The following CAMK1D variants were observed in gnomAD, a reference collection of about 807,000 sequenced individuals.
CAMK1D encodes calcium/calmodulin dependent protein kinase ID.
In CAMK1D, 9 loss-of-function variants were observed where a neutral mutation model predicts 47.7. That is an observed-to-expected ratio of 0.19 (90% CI 0.11 to 0.33). The LOEUF (loss-of-function observed/expected upper bound fraction) is 0.33. Among genes scored for constraint, CAMK1D ranks in the 10% least tolerant of loss-of-function variants. The pLI is 1.00. For missense variants in CAMK1D, 291 were observed against 488.7 expected, an observed-to-expected ratio of 0.60 and a Z score of 3.81; for synonymous variants, 184 against 184.9, an observed-to-expected ratio of 0.99 and a Z score of 0.04.
At chr10:12,638,609 C>T (rs967223502) in intron 2 of CAMK1D, among the ~76,000 whole-genome samples, 11 of 152,194 alleles carry the variant, frequency 7.2e-5, no homozygotes, top group Admixed American at 1.3e-4. Flanking sequence ...TGCAGCACTG[C>T]ACCCTCAGTT....
intron 2 of CAMK1D, among the ~76,000 whole-genome samples, chr10:12,651,512 C>G (rs550937254): frequency 2.0e-5 from 3 of 152,234 alleles, no homozygotes; most frequent in Admixed American, 1.3e-4. Flanking sequence ...CCACCTTAGC[C>G]TCCTGGGTAG....
chr10:12,616,317 G>A (rs1418105653), intron 2 of CAMK1D, among the ~76,000 whole-genome samples: 4 of 152,126 alleles, frequency 2.6e-5, no homozygotes, highest in Non-Finnish European at 5.9e-5. Flanking sequence ...TAACAAAGCG[G>A]GTTATCTTGG....
In CAMK1D at chr10:12,695,536, C is replaced by T. The variant is rs146966152; in HGVS notation, c.299+28726C>T. On this transcript the variant is annotated intron_variant, in intron 3 of 10. Coordinates refer to ENST00000619168, the MANE Select transcript of CAMK1D (RefSeq NM_153498.4). ...CGCATGATGATGGAATAAGGTCTCACGTGGTTAAGCATTTTAAGTAAAAGT... is the reference window on the plus strand; with the variant it reads ...CGCATGATGATGGAATAAGGTCTCATGTGGTTAAGCATTTTAAGTAAAAGT... Among the ~76,000 whole-genome samples, 67 of 152,306 alleles carry T rather than the reference C, an allele frequency of 4.4e-4. No homozygotes were observed. The East Asian group carries it at 0.01, about 23-fold the overall frequency.
At chr10:12,589,436 G>A (rs776195558) in intron 2 of CAMK1D, among the ~76,000 whole-genome samples, 10 of 152,192 alleles carry the variant, frequency 6.6e-5, no homozygotes, top group East Asian at 1.9e-4. Flanking sequence ...AACGAAGCCC[G>A]CAGGCCATGG....
At chr10:12,696,489 A>G (rs149631811) in intron 3 of CAMK1D, among the ~76,000 whole-genome samples, 2,604 of 152,282 alleles carry the variant, frequency 0.017, 85 homozygotes, top group African/African-American at 0.06. Context: ...GTGAGCCTAT[A>G]TCGTGCCATT....
At chr10:12,398,146 C>T (rs1037114158) in intron 1 of CAMK1D, among the ~76,000 whole-genome samples, 3 of 152,100 alleles carry the variant, frequency 2.0e-5, no homozygotes, top group Non-Finnish European at 4.4e-5. Flanking sequence ...AGATTTGATA[C>T]CCACTGTCAT....
At chr10:12,769,943 G>T in intron 5 of CAMK1D, 144 bp downstream of exon 5, 6 of 872,478 alleles carry the variant, frequency 6.9e-6, no homozygotes, top group Non-Finnish European at 8.8e-6. Context: ...CTGGGGGAAA[G>T]AATAAAAAGA....
At chr10:12,810,512 T>C (rs1320277564) in intron 6 of CAMK1D, among the ~76,000 whole-genome samples, 1 of 152,108 alleles carries the variant, frequency 6.6e-6, no homozygotes, top group African/African-American at 2.4e-5. Flanking sequence ...TGACCTCAGG[T>C]GATCTCCTCG....
chr10:12,737,302 A>G (rs1478110243), intron 3 of CAMK1D, among the ~76,000 whole-genome samples: 4 of 151,860 alleles, frequency 2.6e-5, no homozygotes, highest in Non-Finnish European at 5.9e-5. Flanking sequence ...CCATACCCCC[A>G]TTATTTCCCC....
intron 10 of CAMK1D, chr10:12,825,943 G>A: frequency 1.9e-6 from 1 of 520,872 alleles, no homozygotes; most frequent in Non-Finnish European, 3.3e-6. Context: ...TTTAAGACCA[G>A]CCTGACCAAC....
chr10:12,444,238 G>A (rs1832867265), intron 1 of CAMK1D, among the ~76,000 whole-genome samples: 1 of 152,106 alleles, frequency 6.6e-6, no homozygotes, highest in African/African-American at 2.4e-5. Flanking sequence ...TTAACCATCT[G>A]GGAATGCAGC....
At chr10:12,441,240 G>A (rs573717704) in intron 1 of CAMK1D, among the ~76,000 whole-genome samples, 2 of 152,148 alleles carry the variant, frequency 1.3e-5, no homozygotes, top group South Asian at 4.2e-4. Flanking sequence ...ATCTGTCACC[G>A]GGGCTGGAGT....
intron 1 of CAMK1D, among the ~76,000 whole-genome samples, chr10:12,365,233 G>T (rs1837796067): frequency 6.6e-6 from 1 of 152,098 alleles, no homozygotes; most frequent in Admixed American, 6.6e-5. Context: ...TGGGATTACA[G>T]GTGTGAGCCA....
intron 1 of CAMK1D, among the ~76,000 whole-genome samples, chr10:12,414,199 G>A (rs574261524): frequency 5.3e-5 from 8 of 152,324 alleles, no homozygotes; most frequent in African/African-American, 1.9e-4. Flanking sequence ...TAGAAGGAAT[G>A]GAGATGGCGA....
intron 1 of CAMK1D, among the ~76,000 whole-genome samples, chr10:12,485,890 A>C (rs1471649689): frequency 6.6e-6 from 1 of 152,162 alleles, no homozygotes; most frequent in African/African-American, 2.4e-5. Context: ...AACAGAGCCA[A>C]ATTCAGCCCA....
intron 3 of CAMK1D, among the ~76,000 whole-genome samples, chr10:12,712,957 G>C (rs1833991789): frequency 6.6e-6 from 1 of 152,178 alleles, no homozygotes; most frequent in Non-Finnish European, 1.5e-5. Context: ...TCTGTGAAAG[G>C]AGGGAGGCAT....
chr10:12,733,110 C>A (rs1292104674), intron 3 of CAMK1D, among the ~76,000 whole-genome samples: 2 of 152,238 alleles, frequency 1.3e-5, no homozygotes, highest in Non-Finnish European at 2.9e-5. Context: ...CAGTCCAGAG[C>A]AAAGTGGCAG....
intron 2 of CAMK1D, among the ~76,000 whole-genome samples, chr10:12,650,215 A>C (rs550424894): frequency 1.3e-5 from 2 of 152,066 alleles, no homozygotes; most frequent in Non-Finnish European, 2.9e-5. Flanking sequence ...CCTCTCTCTG[A>C]CATGCTCTTT....
Position 12,605,604 on chromosome 10 carries a change from C to T in CAMK1D, c.224+52248C>T, listed in dbSNP as rs950933131. On this transcript the variant is annotated intron_variant, in intron 2 of 10. Transcript: ENST00000619168. ...CAGAACTTCTGCAGTACAGTTTGTG[C>T]CCACTCACTTCAGAGAGATGATACA... Among the ~76,000 whole-genome samples, 13 of 152,060 alleles carry T rather than the reference C, an allele frequency of 8.5e-5. No homozygotes were observed. In the South Asian group the frequency reaches 1.7e-3, roughly 19 times the overall value.
Sources: gnomAD v4.1 joint callset for allele counts (sites outside exome capture counted in the v4.1 genomes callset) on GRCh38, gnomAD v4.1.1 for gene constraint, MANE v1.5 for transcripts, NCBI Gene and HGNC (gene_info 2026-07-23, HGNC 2026-07-21) for gene names.